The following ABAT variants were observed in gnomAD, a reference collection of about 807,000 sequenced individuals.
ABAT encodes 4-aminobutyrate aminotransferase, mitochondrial.
In ABAT, 45 loss-of-function variants were observed where a neutral mutation model predicts 64.6. The ratio of observed to expected loss-of-function variants is 0.70; its 90% CI spans 0.55 to 0.89. The LOEUF (loss-of-function observed/expected upper bound fraction) is 0.89. ABAT is among the 40% of genes least tolerant of loss of function. The pLI is 0.00. For missense variants in ABAT, 633 were observed against 658.4 expected (o/e 0.96, Z 0.42); for synonymous variants, 297 against 250.5 (o/e 1.19, Z -1.75).
chr16:8,711,065 A>C (rs142422154), intron 1 of ABAT, among the ~76,000 whole-genome samples: 2 of 152,258 alleles, frequency 1.3e-5, no homozygotes, highest in African/African-American at 4.8e-5. Flanking sequence ...GTTATTTTCA[A>C]TTTATATCAA....
intron 2 of ABAT, among the ~76,000 whole-genome samples, chr16:8,744,729 G>T (rs62031064): frequency 0.016 from 2,433 of 151,818 alleles, 29 homozygotes; most frequent in Middle Eastern, 0.041. Context: ...TTAGCCGGGT[G>T]TAGTGGTAGG....
At chr16:8,706,714 A>T (rs141473779) in intron 1 of ABAT, among the ~76,000 whole-genome samples, 2 of 152,290 alleles carry the variant, frequency 1.3e-5, no homozygotes, top group East Asian at 3.9e-4. Flanking sequence ...CCCTGTCTCA[A>T]AAAAAAGATA....
chr16:8,710,708 G>A, intron 1 of ABAT, among the ~76,000 whole-genome samples: 1 of 143,310 alleles, frequency 7.0e-6, no homozygotes, highest in Non-Finnish European at 1.5e-5. Flanking sequence ...GAGAGAGAGA[G>A]AGAGAGAGAG....
intron 1 of ABAT, among the ~76,000 whole-genome samples, chr16:8,735,046 T>TAAAAAAAAAAAAAA (rs34887951): frequency 1.4e-5 from 2 of 147,642 alleles, no homozygotes; most frequent in African/African-American, 5.0e-5. Context: ...CATCTCTACT[T>TAAAAAAAAAAAAAA]AAAAAAAAAA....
intron 8 of ABAT, 47 bp from the exon 9 acceptor site, chr16:8,766,161 A>G: frequency 6.3e-7 from 1 of 1,590,286 alleles, no homozygotes; most frequent in Non-Finnish European, 8.6e-7. Flanking sequence ...TGAAGCCCCG[A>G]CTACCCCAGA....
At chr16:8,754,753 C>A (rs988974238) in intron 5 of ABAT, among the ~76,000 whole-genome samples, 2 of 150,186 alleles carry the variant, frequency 1.3e-5, no homozygotes, top group Non-Finnish European at 3.0e-5. Context: ...GAGTCCCATT[C>A]TGTTGCCCAG....
At chr16:8,719,975 C>A (rs985223035) in intron 1 of ABAT, among the ~76,000 whole-genome samples, 3 of 152,142 alleles carry the variant, frequency 2.0e-5, no homozygotes, top group Non-Finnish European at 4.4e-5. Context: ...CCACGCCCAG[C>A]TGATTTCTGT....
At position 8,773,939 on chromosome 16, in the gene ABAT, C is replaced by CT. The variant is rs539234520; in HGVS notation, c.955-942dup. On this transcript the variant is annotated intron_variant, in intron 12 of 15. Coordinates refer to ENST00000268251, the MANE Select transcript of ABAT (RefSeq NM_020686.6). ...TGTATATGTACCATATTTTCTTTTT[C>CT]TTTTTTTTTGAGACAGTCTCACTCT... 1.6e-3 allele frequency among the ~76,000 whole-genome samples: 242 copies of CT among 151,144 alleles called. 2 individuals carry two copies. The highest frequency in any genetic ancestry group is 5.5e-3 in the African/African-American group (228 of 41,246).
chr16:8,744,025 A>T (rs986890544), intron 2 of ABAT, among the ~76,000 whole-genome samples: 1 of 152,126 alleles, frequency 6.6e-6, no homozygotes, highest in Non-Finnish European at 1.5e-5. Context: ...CAACATGTGG[A>T]GCTAAAAAGA....
chr16:8,675,528 C>G (rs553485997), intron 1 of ABAT, among the ~76,000 whole-genome samples: 4 of 152,142 alleles, frequency 2.6e-5, no homozygotes, highest in Non-Finnish European at 4.4e-5. Flanking sequence ...CCATCCTTCT[C>G]CACCTCACCC....
At chr16:8,683,644 A>G (rs927679799) in intron 1 of ABAT, 2 of 152,036 alleles carry the variant, frequency 1.3e-5, no homozygotes, top group Non-Finnish European at 2.9e-5. Context: ...TTCTGAAGCT[A>G]CTTAGGTCTG....
At chr16:8,677,098 G>T (rs979928984) in intron 1 of ABAT, among the ~76,000 whole-genome samples, 5 of 152,148 alleles carry the variant, frequency 3.3e-5, no homozygotes, top group African/African-American at 1.2e-4. Context: ...CTCTTATCTG[G>T]GTCGAGAGCA....
intron 2 of ABAT, among the ~76,000 whole-genome samples, chr16:8,737,667 A>T (rs1479863891): frequency 1.3e-5 from 2 of 151,558 alleles, no homozygotes; most frequent in African/African-American, 4.8e-5. Flanking sequence ...TCACGCCTAT[A>T]ATGCCAGCAC....
Position 8,746,011 on chromosome 16 carries a change from C to G in ABAT, c.81C>G (p.His27Gln). ...CTTTGTTTACTGCAGGATCCAGACA[C>G]ATTAGTCAAGCTGCAGCCAAAGTCG... ...SYRLLVPGSRHISQAAAKVDV... is the reference protein window; with the variant it reads ...SYRLLVPGSRQISQAAAKVDV... The change falls in exon 3 of 16, where the codon CAC (histidine) becomes CAG (glutamine). Residue 27 changes from histidine to glutamine, a missense_variant. By Grantham distance (24) the His-to-Gln change is conservative. Transcript: ENST00000268251. 1.9e-6 allele frequency: 3 copies of G among 1,613,940 alleles called. No homozygotes were observed. The highest frequency in any genetic ancestry group is 1.3e-5 in the African/African-American group (1 of 75,010).
At chr16:8,703,527 G>T (rs949313863) in intron 1 of ABAT, among the ~76,000 whole-genome samples, 2 of 152,126 alleles carry the variant, frequency 1.3e-5, no homozygotes, top group Non-Finnish European at 2.9e-5. Flanking sequence ...TCTTACAAAT[G>T]TTGGTAAATA....
At position 8,717,907 on chromosome 16, in the gene ABAT, G is replaced by GA. The variant is rs2058257951; in HGVS notation, c.-41-17792_-41-17791insA. ...TGGGCTCAAGCGATCCTCTCACCTT[G>GA]GCCTCCCAACATGCTGGGATTACAC... On this transcript the variant is annotated intron_variant, in intron 1 of 15. Transcript: ENST00000268251. Among the ~76,000 whole-genome samples the GA allele has an allele frequency of 2.0e-5, 3 of 151,628 alleles. No homozygotes were observed. In the South Asian group the frequency reaches 6.3e-4, roughly 32 times the overall value.
intron 1 of ABAT, among the ~76,000 whole-genome samples, chr16:8,705,274 G>A (rs2057914098): frequency 6.6e-6 from 1 of 152,104 alleles, no homozygotes; most frequent in South Asian, 2.1e-4. Context: ...GAGAGAGAGA[G>A]AGCACACAGG....
At chr16:8,711,347 C>T (rs1366626029) in intron 1 of ABAT, among the ~76,000 whole-genome samples, 1 of 152,146 alleles carries the variant, frequency 6.6e-6, no homozygotes, top group Non-Finnish European at 1.5e-5. Context: ...CGATGGGTAC[C>T]TGAACAAGGA....
At chr16:8,754,277 C>A (rs1596457347) in intron 5 of ABAT, among the ~76,000 whole-genome samples, 1 of 148,760 alleles carries the variant, frequency 6.7e-6, no homozygotes, top group Middle Eastern at 3.6e-3. Context: ...ATTGCTTAAG[C>A]TAGGGAGGTT....
Sources: allele counts gnomAD v4.1 joint callset (sites outside exome capture counted in the v4.1 genomes callset), GRCh38; gene constraint gnomAD v4.1.1; transcripts MANE v1.5; gene names NCBI Gene and HGNC (gene_info 2026-07-23, HGNC 2026-07-21).